The following LTBP4 variants were observed in gnomAD, a reference collection of about 807,000 sequenced individuals.
The protein encoded by LTBP4 is latent-transforming growth factor beta-binding protein 4.
A neutral mutation model predicts 180.2 loss-of-function variants in LTBP4; 93 were observed. That is an observed-to-expected ratio of 0.52 (90% CI 0.44 to 0.61). The LOEUF is 0.61. Among genes scored for constraint, LTBP4 ranks in the 20% least tolerant of loss-of-function variants. The pLI, the probability that LTBP4 is intolerant of heterozygous loss-of-function variation, is 0.00. For missense variants in LTBP4, 2,116 were observed against 2,256.5 expected, an observed-to-expected ratio of 0.94 and a Z score of 1.26; for synonymous variants, 947 against 934.5, an observed-to-expected ratio of 1.01 and a Z score of -0.24.
In LTBP4 at chr19:40,602,418, C is replaced by T. The variant is rs564453718; in HGVS notation, c.250+781C>T. 5.3e-5 allele frequency among the ~76,000 whole-genome samples: 8 copies of T among 152,124 alleles called. No homozygotes were observed. In the East Asian group the frequency reaches 1.5e-3, roughly 29 times the overall value. ...CAAAAGTGGGCAGACTCTCTGGGATCGGGCCTTCCTGCCCCCTACCCCGCA... is the reference window on the plus strand; with the variant it reads ...CAAAAGTGGGCAGACTCTCTGGGATTGGGCCTTCCTGCCCCCTACCCCGCA... On this transcript the variant is annotated intron_variant, in intron 1 of 29. Transcript: ENST00000396819.
At chr19:40,628,091 A>T (rs574936779) in intron 29 of LTBP4, among the ~76,000 whole-genome samples, 1 of 152,346 alleles carries the variant, frequency 6.6e-6, no homozygotes, top group Admixed American at 6.5e-5. Flanking sequence ...CGGGCCTTGA[A>T]GCAGGATAGA....
Position 40,624,028 on chromosome 19 carries a change from C to T in LTBP4, c.3778C>T (p.Leu1260=), listed in dbSNP as rs771567654. The change falls in exon 26 of 30, where the codon CTG becomes TTG. Residue 1260 remains leucine (L), a synonymous_variant. Transcript: ENST00000396819. ...TTATCACTGTACCTGCGAGCCCCCACTGGTGCTGGATGGCTCGCAGCGCCG... is the reference window on the plus strand; with the variant it reads ...TTATCACTGTACCTGCGAGCCCCCATTGGTGCTGGATGGCTCGCAGCGCCG... ...GSYHCTCEPP[L]VLDGSQRRCV... is the part of the protein sequence containing the mutation. 6.2e-7 allele frequency: 1 copy of T among 1,607,730 alleles called. No homozygotes were observed.
Position 40,623,118 on chromosome 19 carries a change from C to T in LTBP4, c.3556+97C>T. 3 of 862,848 alleles carry T rather than the reference C, an allele frequency of 3.5e-6. No individual in the cohort carries two copies. In the South Asian group the frequency reaches 6.0e-5, roughly 17 times the overall value. The allele number at this position is 862,848 out of a possible 1,614,324, so 53.4% of individuals were successfully genotyped here. A position where few individuals can be genotyped will look rare whatever the true frequency, so the allele number is the denominator to read the frequency against. On this transcript the variant is annotated intron_variant, in intron 24 of 29. Transcript: ENST00000396819. ...CCTCTGTCTCTCACCCTTTCTGTTT[C>T]TCTGTATCTGTCTCCCCGACCCCAC...
rs1599858496 is a variant in LTBP4, at chr19:40,601,619, G to A, written c.232G>A (p.Gly78Arg). Residue 78 changes from glycine (G) to arginine (R), a missense_variant, in exon 1 of 30, where the codon GGA becomes AGA. Gly to Arg is a moderately radical substitution (Grantham distance 125, BLOSUM62 -2). This residue lies in a region of LTBP4 where 469 missense variants were observed against 532.5 expected (regional missense o/e 0.88). Transcript: ENST00000396819. ...SGAPGGAAPG[G>R]PGFRAFLCPL... Reference sequence around the variant, plus strand: ...CGCTCCCGGCGGGGCGGCCCCGGGGGGACCCGGCTTCCGCGCCTGTGAGTG... The same window carrying A: ...CGCTCCCGGCGGGGCGGCCCCGGGGAGACCCGGCTTCCGCGCCTGTGAGTG... The A allele has an allele frequency of 7.3e-7, 1 of 1,376,734 alleles. No individual in the cohort carries two copies. The highest frequency in any genetic ancestry group is 1.7e-5 in the South Asian group (1 of 59,984). The allele number at this position is 1,376,734 out of a possible 1,614,324, so 85.3% of individuals were successfully genotyped here. A position where few individuals can be genotyped will look rare whatever the true frequency, so the allele number is the denominator to read the frequency against.
Position 40,622,890 on chromosome 19 carries a change from G to A in LTBP4, c.3485-60G>A. 5.2e-6 allele frequency: 8 copies of A among 1,545,054 alleles called. No homozygotes were observed. Among genetic ancestry groups the A allele is most frequent in the Non-Finnish European group, 7.1e-6 (8 of 1,128,490 alleles). ...GGACTTTTGTGACAAGTGGGCACGAGCAGGTCAGGGCTGGGGCTGGGGCTC... is the reference window on the plus strand; with the variant it reads ...GGACTTTTGTGACAAGTGGGCACGAACAGGTCAGGGCTGGGGCTGGGGCTC... On this transcript the variant is annotated intron_variant, in intron 23 of 29. Transcript: ENST00000396819. This position sits in a 1 kb window ranked among gnomAD's most constrained non-coding sequence, Gnocchi z 5.1.
At chr19:40,598,360 C>A (rs532533594), upstream of LTBP4, among the ~76,000 whole-genome samples, 1 of 133,750 alleles carries the variant, frequency 7.5e-6, no homozygotes, top group Non-Finnish European at 1.6e-5. Flanking sequence ...GCGCTGGACA[C>A]CCCCCTCTCT....
upstream of LTBP4, among the ~76,000 whole-genome samples, chr19:40,597,648 T>C (rs1337643315): frequency 6.6e-6 from 1 of 151,396 alleles, no homozygotes; most frequent in Non-Finnish European, 1.5e-5. Flanking sequence ...GGTCTCTAGT[T>C]TATTGGGGCA....
chr19:40,627,011 C>T lies in LTBP4; in HGVS notation c.4022C>T (p.Pro1341Leu). 1 of 1,594,442 alleles carries T rather than the reference C, an allele frequency of 6.3e-7. No individual in the cohort carries two copies. Among genetic ancestry groups the T allele is most frequent in the Non-Finnish European group, 8.6e-7 (1 of 1,167,532 alleles). ...GCCCTGTGCAATGTGCTACGCCCCC[C>T]CGCATATAGCCCCCCGCGACCAGGT... is the stretch of plus-strand genomic sequence containing the variant. Reference protein sequence around the residue: ...FEALCNVLRPPAYSPPRPGGF... With the variant: ...FEALCNVLRPLAYSPPRPGGF... Residue 1341 changes from proline to leucine, a missense_variant, in exon 28 of 30, where the codon CCC (proline) becomes CTC (leucine). Transcript: ENST00000396819.
chr19:40,626,071 C>G, intron 27 of LTBP4, 62 bp downstream of exon 27: 2 of 1,495,648 alleles, frequency 1.3e-6, no homozygotes, highest in Non-Finnish European at 1.8e-6. Flanking sequence ...AATCTAGGCC[C>G]TCAGATCCCC....
chr19:40,605,135 C>T lies in LTBP4; in HGVS notation c.351C>T (p.Ser117=). ...DFAGKFCQLH[S]SGARPPAPAV... ...CTGGCAAGTTCTGCCAGTTGCACTCCTCGGGCGCCCGGCCCCCGGCCCCGG... is the reference window on the plus strand; with the variant it reads ...CTGGCAAGTTCTGCCAGTTGCACTCTTCGGGCGCCCGGCCCCCGGCCCCGG... Residue 117 remains serine, a synonymous_variant, in exon 2 of 30, where the codon TCC becomes TCT. Coordinates refer to ENST00000396819, the MANE Select transcript of LTBP4 (RefSeq NM_001042545.2). The surrounding 1 kb of genome is among the most constrained non-coding windows in gnomAD (Gnocchi z 5.5). 6.2e-7 allele frequency: 1 copy of T among 1,613,556 alleles called. No homozygotes were observed. The highest frequency in any genetic ancestry group is 8.5e-7 in the Non-Finnish European group (1 of 1,179,768).
chr19:40,613,754 TA>T lies in LTBP4; in HGVS notation c.2558-159del. The T allele has an allele frequency of 7.7e-7, 1 of 1,291,036 alleles. No individual in the cohort carries two copies. The highest frequency in any genetic ancestry group is 1.1e-6 in the Non-Finnish European group (1 of 925,240). The allele number at this position is 1,291,036 out of a possible 1,614,324, so 80.0% of individuals were successfully genotyped here. Reference sequence around the variant, plus strand: ...GACCGTGATTGTAAAGAAGCTGTTCTAAACCCGTCGGGGGGCGGTGTTTGCA... The same window carrying T: ...GACCGTGATTGTAAAGAAGCTGTTCTAACCCGTCGGGGGGCGGTGTTTGCA... On this transcript the variant is annotated intron_variant, in intron 17 of 29. Coordinates refer to ENST00000396819, the MANE Select transcript of LTBP4 (RefSeq NM_001042545.2). This position sits in a 1 kb window ranked among gnomAD's most constrained non-coding sequence, Gnocchi z 5.0.
rs1335998635 is a variant in LTBP4, at chr19:40,614,327, G to A, written c.2693G>A (p.Cys898Tyr). 1.3e-6 allele frequency: 2 copies of A among 1,599,424 alleles called. No homozygotes were observed. The highest frequency in any genetic ancestry group is 1.7e-5 in the Admixed American group (1 of 59,986). ...DLASCLDVDECRERGPALCGS... is the reference protein window; with the variant it reads ...DLASCLDVDEYRERGPALCGS... ...CCTCTCTCCTCAGACGTGGACGAATGTCGCGAGCGAGGCCCAGCCCTGTGC... is the reference window on the plus strand; with the variant it reads ...CCTCTCTCCTCAGACGTGGACGAATATCGCGAGCGAGGCCCAGCCCTGTGC... Residue 898 changes from cysteine to tyrosine, a missense_variant, in exon 19 of 30, where the codon TGT (cysteine) becomes TAT (tyrosine). Coordinates refer to ENST00000396819, the MANE Select transcript of LTBP4 (RefSeq NM_001042545.2).
chr19:40,603,151 C>A (rs866610423), intron 1 of LTBP4, among the ~76,000 whole-genome samples: 1 of 152,136 alleles, frequency 6.6e-6, no homozygotes, highest in African/African-American at 2.4e-5. Context: ...CTGTGCCTTT[C>A]CCCAGATAAC....
At chr19:40,594,891 C>T (rs905452009) in intron 1 of LTBP4, among the ~76,000 whole-genome samples, 1 of 151,624 alleles carries the variant, frequency 6.6e-6, no homozygotes, top group Non-Finnish European at 1.5e-5. Flanking sequence ...CCCCGTCAGT[C>T]CTGCACACCC....
chr19:40,625,408 G>A (rs1313093963), intron 26 of LTBP4, among the ~76,000 whole-genome samples: 1 of 148,076 alleles, frequency 6.8e-6, no homozygotes, highest in Non-Finnish European at 1.5e-5. Flanking sequence ...GCCTCCCAAA[G>A]TGCTGGGATT....
rs752683931 is a variant in LTBP4 at position 40,623,719 on chromosome 19, G to A, written c.3672G>A (p.Arg1224=). 4 of 1,613,802 alleles carry A rather than the reference G, an allele frequency of 2.5e-6. No individual in the cohort carries two copies. In the African/African-American group the frequency reaches 4.0e-5, roughly 16 times the overall value. Residue 1224 remains arginine (R), a synonymous_variant, in exon 25 of 30, where the codon CGG becomes CGA. Coordinates refer to ENST00000396819, the MANE Select transcript of LTBP4 (RefSeq NM_001042545.2). ...ACGGCTACTACTACCACACACAGCG[G>A]CTGGAGTGCATCGGTACAAGCCCCA... ...CSNGYYYHTQ[R]LECIDNDECA...
chr19:40,608,358 G>T lies in LTBP4; in HGVS notation c.1295G>T (p.Arg432Leu), dbSNP rs528386162. 1.2e-6 allele frequency: 2 copies of T among 1,612,704 alleles called. No individual in the cohort carries two copies. The highest frequency in any genetic ancestry group is 2.7e-5 in the African/African-American group (2 of 75,024). Residue 432 changes from arginine to leucine, a missense_variant, in exon 8 of 30, where the codon CGG becomes CTG. Transcript: ENST00000396819. ...SQPRTLPATS[R>L]PSAGFLPTHR... ...CCTCGTACCCTGCCAGCCACCTCTC[G>T]GCCATCTGCAGGTGAGCTGGCTCTG... is the stretch of plus-strand genomic sequence containing the variant.
chr19:40,613,184 G>A lies in LTBP4; in HGVS notation c.2419G>A (p.Gly807Arg), dbSNP rs559350666. ...CTACCGGGCGCCGTCGGGTCGGCCC[G>A]GGCCCTGCGCAGGTGAGCAGCATAG... ...PGYRAPSGRP[G>R]PCADVNECLE... Residue 807 changes from glycine to arginine, a missense_variant, in exon 16 of 30, where the codon GGG becomes AGG. Gly to Arg is a moderately radical substitution (Grantham distance 125). This residue lies in a region of LTBP4 where 877 missense variants were observed against 873.6 expected (regional missense o/e 1.00). Transcript: ENST00000396819. This position sits in a 1 kb window ranked among gnomAD's most constrained non-coding sequence, Gnocchi z 5.0. The A allele has an allele frequency of 3.2e-6, 5 of 1,569,640 alleles. No homozygotes were observed. Among genetic ancestry groups the A allele is most frequent in the Non-Finnish European group, 4.3e-6 (5 of 1,157,846 alleles).
Position 40,609,457 on chromosome 19 carries a change from G to T in LTBP4, c.1427-73G>T. ...AGGTGTTTTATGGATGTCTCCGGGG[G>T]TGGGGGTTTTACTGGGATGAAAGGA... On this transcript the variant is annotated intron_variant, in intron 9 of 29. Coordinates refer to ENST00000396819, the MANE Select transcript of LTBP4 (RefSeq NM_001042545.2). This position sits in a 1 kb window ranked among gnomAD's most constrained non-coding sequence, Gnocchi z 4.9. The T allele has an allele frequency of 6.3e-7, 1 of 1,577,834 alleles. No homozygotes were observed. Among genetic ancestry groups the T allele is most frequent in the Non-Finnish European group, 8.7e-7 (1 of 1,153,160 alleles).
Sources: allele counts gnomAD v4.1 joint callset (sites outside exome capture counted in the v4.1 genomes callset), GRCh38; gene constraint gnomAD v4.1.1; regional missense constraint gnomAD v4.1.1; non-coding constraint Gnocchi (gnomAD v3.1); transcripts MANE v1.5; gene names NCBI Gene and HGNC (gene_info 2026-07-23, HGNC 2026-07-21).